NCKAP5: variants seen among roughly 807,000 people sequenced by gnomAD.
The protein encoded by NCKAP5 is NCK associated protein 5, also known as nck-associated protein 5.
NCKAP5 carries 92 observed loss-of-function variants against 167.0 expected under a neutral mutation model. That is an observed-to-expected ratio of 0.55 (90% CI 0.47 to 0.66). The LOEUF (loss-of-function observed/expected upper bound fraction) is 0.66. NCKAP5 is among the 30% of genes least tolerant of loss of function. The probability of loss-of-function intolerance (pLI) is 0.00; values close to 1 mark genes in which losing one functional copy is unlikely to be tolerated. For synonymous variants in NCKAP5, 891 were observed against 877.4 expected (o/e 1.02, Z -0.27); for missense variants, 2,378 against 2,315.0 (o/e 1.03, Z -0.56).
At chr2:133,184,685 T>C (rs570828587) in intron 5 of NCKAP5, among the ~76,000 whole-genome samples, 2 of 152,314 alleles carry the variant, frequency 1.3e-5, no homozygotes, top group South Asian at 2.1e-4. Flanking sequence ...GGTATCTTAC[T>C]GTGGTTTTGA....
At chr2:132,750,917 G>C (rs1230011245) in intron 16 of NCKAP5, among the ~76,000 whole-genome samples, 2 of 152,234 alleles carry the variant, frequency 1.3e-5, no homozygotes, top group African/African-American at 2.4e-5. Context: ...AGGTCTCCCT[G>C]TGGGGTCCTG....
chr2:133,624,775 T>C, the NCKAP5 span, among the ~76,000 whole-genome samples: 1 of 152,186 alleles, frequency 6.6e-6, no homozygotes, highest in African/African-American at 2.4e-5. Flanking sequence ...TTCAGAGGTA[T>C]GGCATGTGTC....
At chr2:133,154,021 T>G (rs906109816) in intron 5 of NCKAP5, among the ~76,000 whole-genome samples, 1 of 152,000 alleles carries the variant, frequency 6.6e-6, no homozygotes, top group African/African-American at 2.4e-5. Context: ...TTTGTATTTT[T>G]AGTAGAGACG....
At chr2:133,304,559 C>G (rs1408487403) in intron 3 of NCKAP5, among the ~76,000 whole-genome samples, 1 of 152,218 alleles carries the variant, frequency 6.6e-6, no homozygotes, top group Non-Finnish European at 1.5e-5. Flanking sequence ...ACGCTTTTAA[C>G]TGTCCTGATC....
At chr2:133,078,452 C>T (rs1446619425) in intron 6 of NCKAP5, among the ~76,000 whole-genome samples, 1 of 152,020 alleles carries the variant, frequency 6.6e-6, no homozygotes, top group Non-Finnish European at 1.5e-5. Context: ...TGTAGCTTTA[C>T]AGTTTTTGTC....
intron 16 of NCKAP5, among the ~76,000 whole-genome samples, chr2:132,735,522 A>G (rs1306738299): frequency 6.6e-6 from 1 of 152,220 alleles, no homozygotes; most frequent in Non-Finnish European, 1.5e-5. Flanking sequence ...CAGCCTGCAG[A>G]ACCATGAACC....
chr2:133,494,785 A>C (rs1043446236), intron 3 of NCKAP5, among the ~76,000 whole-genome samples: 11 of 152,308 alleles, frequency 7.2e-5, no homozygotes, highest in Non-Finnish European at 1.2e-4. Flanking sequence ...GCAGGCACCA[A>C]AAGAAATTAT....
At chr2:133,600,790 G>A in the NCKAP5 span, among the ~76,000 whole-genome samples, 3 of 152,204 alleles carry the variant, frequency 2.0e-5, no homozygotes, top group African/African-American at 7.2e-5. Context: ...GGCTCTGCTT[G>A]TGTTTGCAAG....
chr2:133,067,034 T>C (rs1369502688), intron 6 of NCKAP5, among the ~76,000 whole-genome samples: 1 of 127,700 alleles, frequency 7.8e-6, no homozygotes, highest in African/African-American at 3.1e-5. Flanking sequence ...TTATTTTTTA[T>C]TTTTTTATTT....
chr2:133,507,876 A>C (rs148383189), intron 3 of NCKAP5, among the ~76,000 whole-genome samples: 80 of 152,290 alleles, frequency 5.3e-4, no homozygotes, highest in Non-Finnish European at 9.3e-4. Flanking sequence ...AACCCTATGG[A>C]TGTCTAATAA....
chr2:132,862,685 A>T (rs1000545416), intron 10 of NCKAP5, among the ~76,000 whole-genome samples: 4 of 151,036 alleles, frequency 2.6e-5, no homozygotes, highest in Non-Finnish European at 4.4e-5. Flanking sequence ...ACTTGAACCC[A>T]GGAGGCAAAG....
intron 3 of NCKAP5, among the ~76,000 whole-genome samples, chr2:133,351,829 C>G (rs1249934017): frequency 6.6e-6 from 1 of 152,166 alleles, no homozygotes; most frequent in East Asian, 1.9e-4. Context: ...TATCCCACCA[C>G]TCCCCACCAC....
At chr2:133,262,838 C>G (rs2088981885) in intron 4 of NCKAP5, among the ~76,000 whole-genome samples, 1 of 152,150 alleles carries the variant, frequency 6.6e-6, no homozygotes, top group African/African-American at 2.4e-5. Context: ...CAAAAATGCC[C>G]CTTGGTAAAT....
chr2:133,012,133 C>T (rs2078180560), intron 6 of NCKAP5, among the ~76,000 whole-genome samples: 1 of 152,206 alleles, frequency 6.6e-6, no homozygotes, highest in Admixed American at 6.5e-5. Flanking sequence ...CCCTTCTCCC[C>T]ACTACCTGTT....
intron 5 of NCKAP5, among the ~76,000 whole-genome samples, chr2:133,212,977 T>G (rs2150169547): frequency 6.6e-6 from 1 of 152,330 alleles, no homozygotes; most frequent in South Asian, 2.1e-4. Context: ...ATTCTTTTAC[T>G]GAAAGCTTGC....
chr2:132,797,199 G>C (rs1375918197), intron 11 of NCKAP5, among the ~76,000 whole-genome samples: 2 of 152,094 alleles, frequency 1.3e-5, no homozygotes, highest in African/African-American at 4.8e-5. Context: ...ATCTTCCCTT[G>C]GACACGTTTT....
Position 132,801,528 on chromosome 2 carries a change from T to C in NCKAP5, c.808-4799A>G, listed in dbSNP as rs1287380068. Among the ~76,000 whole-genome samples the C allele has an allele frequency of 3.3e-5, 5 of 152,152 alleles. No individual in the cohort carries two copies. The South Asian group carries it at 6.2e-4, about 19-fold the overall frequency. ...AACCCCACTGAAGATTCTAGCTTCATAGGAAAGAGACCTGCTTTCTGTCAC... is the reference window on the plus strand; with the variant it reads ...AACCCCACTGAAGATTCTAGCTTCACAGGAAAGAGACCTGCTTTCTGTCAC... On this transcript the variant is annotated intron_variant, in intron 11 of 19. Coordinates refer to ENST00000409261, the MANE Select transcript of NCKAP5 (RefSeq NM_207363.3).
chr2:133,211,387 C>A (rs866518552), intron 5 of NCKAP5, among the ~76,000 whole-genome samples: 1 of 152,038 alleles, frequency 6.6e-6, no homozygotes, highest in Non-Finnish European at 1.5e-5. Context: ...TGCACCACCA[C>A]GCCTGGCTAA....
chr2:133,101,603 T>G (rs2081516748), intron 6 of NCKAP5, among the ~76,000 whole-genome samples: 2 of 152,040 alleles, frequency 1.3e-5, no homozygotes, highest in South Asian at 4.1e-4. Context: ...TAGTTCTCCT[T>G]GAAGAGGTCC....
Sources: allele counts gnomAD v4.1 joint callset (sites outside exome capture counted in the v4.1 genomes callset), GRCh38; gene constraint gnomAD v4.1.1; transcripts MANE v1.5; gene names NCBI Gene and HGNC (gene_info 2026-07-23, HGNC 2026-07-21).